ROBO2: variants seen among roughly 807,000 people sequenced by gnomAD.
The protein encoded by ROBO2 is roundabout homolog 2.
A neutral mutation model predicts 160.8 loss-of-function variants in ROBO2; 53 were observed. The ratio of observed to expected loss-of-function variants is 0.33; its 90% CI spans 0.26 to 0.41. ROBO2 has a LOEUF of 0.41. Among genes scored for constraint, ROBO2 ranks in the 10% least tolerant of loss-of-function variants. ROBO2 has a pLI of 1.00. For synonymous variants in ROBO2, 664 were observed against 611.7 expected (o/e 1.09, Z -1.26); for missense variants, 1,577 against 1,722.4 (o/e 0.92, Z 1.49).
chr3:77,597,652 A>T (rs2094337807), intron 19 of ROBO2, among the ~76,000 whole-genome samples: 1 of 152,186 alleles, frequency 6.6e-6, no homozygotes, highest in Admixed American at 6.6e-5. Context: ...AGAAAGCTCT[A>T]TGAACAGAAT....
At chr3:76,079,482 G>T (rs1166796524) in intron 2 of ROBO2, among the ~76,000 whole-genome samples, 1 of 137,228 alleles carries the variant, frequency 7.3e-6, no homozygotes, top group Non-Finnish European at 1.5e-5. Context: ...ATTATTATTA[G>T]TTTTTTTTTT....
chr3:75,999,784 G>T (rs1264737504), intron 2 of ROBO2, among the ~76,000 whole-genome samples: 1 of 152,128 alleles, frequency 6.6e-6, no homozygotes, highest in Non-Finnish European at 1.5e-5. Flanking sequence ...CATAAAAAGA[G>T]ATTAAAAACT....
chr3:76,775,719 A>T (rs1227172785), intron 2 of ROBO2, among the ~76,000 whole-genome samples: 8 of 145,406 alleles, frequency 5.5e-5, no homozygotes, highest in Non-Finnish European at 1.5e-5. Context: ...GACAAAATCT[A>T]TTTCATGGAA....
intron 2 of ROBO2, among the ~76,000 whole-genome samples, chr3:76,836,575 T>C (rs2067710802): frequency 6.6e-6 from 1 of 151,938 alleles, no homozygotes; most frequent in Admixed American, 6.6e-5. Flanking sequence ...CCACATACTT[T>C]CTAATTTCCT....
Position 76,628,080 on chromosome 3 carries a change from TGTTTTGA to T in ROBO2, c.110-469930_110-469924del, listed in dbSNP as rs1225471713. Among the ~76,000 whole-genome samples the T allele has an allele frequency of 2.0e-5, 3 of 152,142 alleles. No individual in the cohort carries two copies. In the East Asian group the frequency reaches 5.8e-4, roughly 29 times the overall value. Reference sequence around the variant, plus strand: ...TTAAGTCATAAAAAAATAAAGCTTTTGTTTTGAGTTCTCATGCCAGAATGGTTTCTAA... The same window carrying T: ...TTAAGTCATAAAAAAATAAAGCTTTTGTTCTCATGCCAGAATGGTTTCTAA... On this transcript the variant is annotated intron_variant, in intron 2 of 26. Transcript: ENST00000487694.
intron 2 of ROBO2, among the ~76,000 whole-genome samples, chr3:76,268,788 G>A (rs538867521): frequency 2.6e-5 from 4 of 152,234 alleles, no homozygotes; most frequent in African/African-American, 9.6e-5. Context: ...TAAATTGGAA[G>A]TTGACTGCCT....
intron 2 of ROBO2, among the ~76,000 whole-genome samples, chr3:77,444,242 TAGAA>T (rs1274982656): frequency 6.6e-6 from 1 of 152,190 alleles, no homozygotes; most frequent in African/African-American, 2.4e-5. Flanking sequence ...TGTATTTTAT[TAGAA>T]AGAATAACCT....
chr3:76,180,614 A>G (rs938853550), intron 2 of ROBO2, among the ~76,000 whole-genome samples: 2 of 152,060 alleles, frequency 1.3e-5, no homozygotes, highest in Non-Finnish European at 1.5e-5. Context: ...CTTTTGATTC[A>G]ATATTCCTTC....
chr3:76,791,205 A>G lies in ROBO2; in HGVS notation c.110-306809A>G, dbSNP rs770113934. ...TATAAGAAGGAATAAGTACAAGTAG[A>G]AAAGAACATGGAAAAAGTTGAGGAC... On this transcript the variant is annotated intron_variant, in intron 2 of 26. Coordinates refer to the ROBO2 transcript ENST00000487694. Among the ~76,000 whole-genome samples, 145 of 151,894 alleles carry G rather than the reference A, an allele frequency of 9.5e-4. 3 individuals are homozygous for G. The highest frequency in any genetic ancestry group is 4.6e-4 in the Admixed American group (7 of 15,202).
intron 2 of ROBO2, among the ~76,000 whole-genome samples, chr3:77,298,394 A>G (rs988033802): frequency 3.3e-5 from 5 of 152,170 alleles, no homozygotes; most frequent in African/African-American, 9.6e-5. Context: ...CCAACCCCTC[A>G]TTTAACAAAT....
intron 2 of ROBO2, among the ~76,000 whole-genome samples, chr3:76,257,782 T>C (rs948003638): frequency 3.3e-5 from 5 of 152,164 alleles, no homozygotes; most frequent in Non-Finnish European, 7.3e-5. Flanking sequence ...TATTTCATAG[T>C]GCACAATTCC....
intron 2 of ROBO2, among the ~76,000 whole-genome samples, chr3:76,618,425 A>G (rs949076585): frequency 6.6e-6 from 1 of 150,640 alleles, no homozygotes; most frequent in Non-Finnish European, 1.5e-5. Context: ...AATTCAGGAC[A>G]TAGGAAATAG....
intron 2 of ROBO2, among the ~76,000 whole-genome samples, chr3:76,258,865 A>G (rs553012741): frequency 9.2e-5 from 14 of 152,114 alleles, no homozygotes; most frequent in Non-Finnish European, 1.9e-4. Flanking sequence ...TTTGACTGTA[A>G]TTGAGTGTAA....
In ROBO2 at chr3:77,612,112, C is replaced by T. The variant is rs528233702; in HGVS notation, c.3293+4158C>T. On this transcript the variant is annotated intron_variant, in intron 21 of 25. Transcript: ENST00000461745. ...CCAGGCAAGACAGATAATATGATGC[C>T]TCATAGTTCACTGACAATAAGTCAA... Among the ~76,000 whole-genome samples, 14 of 152,248 alleles carry T rather than the reference C, an allele frequency of 9.2e-5. No homozygotes were observed. The South Asian group carries it at 1.7e-3, about 18-fold the overall frequency.
chr3:76,304,911 C>T (rs576761684), intron 2 of ROBO2, among the ~76,000 whole-genome samples: 6 of 151,452 alleles, frequency 4.0e-5, no homozygotes, highest in Non-Finnish European at 5.9e-5. Flanking sequence ...AGCACTCAAG[C>T]GGGGTAAATC....
intron 2 of ROBO2, among the ~76,000 whole-genome samples, chr3:77,290,055 C>G (rs1338758863): frequency 1.3e-5 from 2 of 150,448 alleles, no homozygotes; most frequent in Admixed American, 6.6e-5. Flanking sequence ...TAAGCTGAGG[C>G]TAGATCACCA....
intron 2 of ROBO2, among the ~76,000 whole-genome samples, chr3:76,169,915 G>A (rs1467186297): frequency 1.3e-5 from 2 of 152,008 alleles, no homozygotes; most frequent in Admixed American, 1.3e-4. Context: ...CGAGTAGCTG[G>A]GACTACAGGC....
At chr3:76,417,125 C>G (rs1018083567) in intron 2 of ROBO2, among the ~76,000 whole-genome samples, 5 of 152,142 alleles carry the variant, frequency 3.3e-5, no homozygotes, top group Admixed American at 1.3e-4. Flanking sequence ...ATGGTAAAAT[C>G]AAATGACTGG....
chr3:76,915,687 AG>A (rs1467325848), intron 2 of ROBO2, among the ~76,000 whole-genome samples: 16 of 150,548 alleles, frequency 1.1e-4, no homozygotes, highest in African/African-American at 3.9e-4. Flanking sequence ...AAAAAAAAAA[AG>A]AAAAAAAAAG....
Sources: allele counts gnomAD v4.1 joint callset (sites outside exome capture counted in the v4.1 genomes callset), GRCh38; gene constraint gnomAD v4.1.1; transcripts MANE v1.5; gene names NCBI Gene and HGNC (gene_info 2026-07-23, HGNC 2026-07-21).